Variants in GULP1 observed in about 807,000 individuals in gnomAD.
The protein encoded by GULP1 is GULP PTB domain containing engulfment adaptor 1.
GULP1 carries 19 observed loss-of-function variants against 40.9 expected under a neutral mutation model. The ratio of observed to expected loss-of-function variants is 0.46; its 90% CI spans 0.32 to 0.68. The LOEUF is 0.68. Ranked by LOEUF, GULP1 falls within the 30% of genes least tolerant of loss-of-function variation. The pLI, the probability that GULP1 is intolerant of heterozygous loss-of-function variation, is 0.03. For missense variants in GULP1, 312 were observed against 362.2 expected, an observed-to-expected ratio of 0.86 and a Z score of 1.12; for synonymous variants, 119 against 117.6, an observed-to-expected ratio of 1.01 and a Z score of -0.08.
chr2:188,414,550 G>T (rs1300033377), intron 2 of GULP1, among the ~76,000 whole-genome samples: 1 of 152,116 alleles, frequency 6.6e-6, no homozygotes, highest in African/African-American at 2.4e-5. Context: ...TTGAGTAAAG[G>T]ATTTGAAATA....
chr2:188,491,168 C>T (rs2062350584), intron 4 of GULP1, among the ~76,000 whole-genome samples: 1 of 151,764 alleles, frequency 6.6e-6, no homozygotes. Flanking sequence ...GATTTGGTCT[C>T]AAAAGGGTCA....
At chr2:188,530,347 T>C (rs1687221198) in intron 6 of GULP1, among the ~76,000 whole-genome samples, 1 of 152,292 alleles carries the variant, frequency 6.6e-6, no homozygotes, top group East Asian at 1.9e-4. Flanking sequence ...TTCTTGTATT[T>C]AGGACCCTTC....
chr2:188,496,021 C>T (rs1319116559), intron 4 of GULP1, among the ~76,000 whole-genome samples: 1 of 151,962 alleles, frequency 6.6e-6, no homozygotes, highest in Non-Finnish European at 1.5e-5. Context: ...CACAATCCCC[C>T]TCTCTTCCTG....
intron 1 of GULP1, among the ~76,000 whole-genome samples, chr2:188,296,692 G>A (rs578194893): frequency 6.6e-6 from 1 of 152,036 alleles, no homozygotes. Flanking sequence ...AGATTAATAT[G>A]GCTTTTTAAA....
intron 2 of GULP1, among the ~76,000 whole-genome samples, chr2:188,397,385 C>G (rs755725554): frequency 2.6e-5 from 4 of 152,184 alleles, no homozygotes; most frequent in Non-Finnish European, 4.4e-5. Flanking sequence ...ATGTACATTT[C>G]TTTATCATAT....
intron 2 of GULP1, among the ~76,000 whole-genome samples, chr2:188,468,473 GATTTGTA>G (rs2060310740): frequency 6.6e-6 from 1 of 152,056 alleles, no homozygotes; most frequent in Non-Finnish European, 1.5e-5. Flanking sequence ...TTGCTCATTT[GATTTGTA>G]ATTCAACATA....
At position 188,569,999 on chromosome 2, in the gene GULP1, A is replaced by C. The variant is rs769833915; in HGVS notation, c.517-29A>C. ...TATTTTCCAAGAAAAAAAAAACAGA[A>C]AGTTATTCAATAATGATTTTCTTTT... On this transcript the variant is annotated intron_variant, in intron 8 of 11. Transcript: ENST00000409830. 9.3e-6 allele frequency: 8 copies of C among 861,618 alleles called. No individual in the cohort carries two copies. The Admixed American group carries it at 1.7e-4, about 18-fold the overall frequency. 53.4% of individuals were successfully genotyped at this position (861,618 alleles called of 1,614,324 possible). A position where few individuals can be genotyped will look rare whatever the true frequency, so the allele number is the denominator to read the frequency against.
chr2:188,592,491 T>C (rs1295777823), intron 11 of GULP1: 2 of 152,092 alleles, frequency 1.3e-5, no homozygotes, highest in African/African-American at 4.8e-5. Flanking sequence ...GTGATAAGAA[T>C]AGATTTTTAA....
chr2:188,379,569 C>G (rs2048745090), intron 1 of GULP1, among the ~76,000 whole-genome samples: 1 of 152,164 alleles, frequency 6.6e-6, no homozygotes. Context: ...TTTCATGTCT[C>G]TTCAGAGCCG....
chr2:188,292,480 G>A lies in GULP1; in HGVS notation c.-172+314G>A, dbSNP rs1205887701. Among the ~76,000 whole-genome samples the A allele has an allele frequency of 2.0e-5, 3 of 152,224 alleles. No individual in the cohort carries two copies. The highest frequency in any genetic ancestry group is 4.4e-5 in the Non-Finnish European group (3 of 68,038). ...GGGACGCAGCGGTCTCCGGGCTCCAGAAACCTCCTTAGCCTTTTGTGGTAA... is the reference window on the plus strand; with the variant it reads ...GGGACGCAGCGGTCTCCGGGCTCCAAAAACCTCCTTAGCCTTTTGTGGTAA... On this transcript the variant is annotated intron_variant, in intron 1 of 11. Transcript: ENST00000409830. This position sits in a 1 kb window ranked among gnomAD's most constrained non-coding sequence, Gnocchi z 4.0.
chr2:188,391,805 G>T (rs1184838395), intron 2 of GULP1, among the ~76,000 whole-genome samples: 3 of 151,888 alleles, frequency 2.0e-5, no homozygotes, highest in East Asian at 3.9e-4. Flanking sequence ...TTTTTTGAGG[G>T]TTTTTACCAT....
chr2:188,460,671 G>A (rs1316700847), intron 2 of GULP1, among the ~76,000 whole-genome samples: 1 of 152,102 alleles, frequency 6.6e-6, no homozygotes, highest in Non-Finnish European at 1.5e-5. Flanking sequence ...TCTCCAGCTA[G>A]GACTTCCAGT....
chr2:188,293,499 G>T (rs570668637), intron 1 of GULP1, among the ~76,000 whole-genome samples: 1 of 152,190 alleles, frequency 6.6e-6, no homozygotes, highest in South Asian at 2.1e-4. Context: ...GCTAAAGTAA[G>T]GGAGATTATT....
At chr2:188,427,294 T>C (rs997634523) in intron 2 of GULP1, among the ~76,000 whole-genome samples, 4 of 152,158 alleles carry the variant, frequency 2.6e-5, no homozygotes, top group African/African-American at 9.7e-5. Flanking sequence ...CTTGGAAAAT[T>C]TGCAGCCTAG....
intron 9 of GULP1, chr2:188,582,236 T>C (rs992066006): frequency 1.3e-5 from 5 of 384,094 alleles, no homozygotes; most frequent in Non-Finnish European, 2.1e-5. Context: ...AATGATCTTA[T>C]CATCTTAACA....
intron 1 of GULP1, among the ~76,000 whole-genome samples, chr2:188,311,946 TAACTC>T (rs761154502): frequency 8.7e-5 from 13 of 150,072 alleles, no homozygotes; most frequent in Non-Finnish European, 1.8e-4. Flanking sequence ...AAACATTTCT[TAACTC>T]AAACTGGCTT....
intron 6 of GULP1, among the ~76,000 whole-genome samples, chr2:188,531,183 A>G (rs576118098): frequency 1.3e-5 from 2 of 152,296 alleles, no homozygotes; most frequent in South Asian, 4.1e-4. Flanking sequence ...GACCTACAGA[A>G]TCTGTATTTG....
intron 6 of GULP1, among the ~76,000 whole-genome samples, chr2:188,534,398 A>G (rs1338515685): frequency 6.6e-6 from 1 of 152,136 alleles, no homozygotes; most frequent in Non-Finnish European, 1.5e-5. Flanking sequence ...ACAGAAAACC[A>G]TATACCATAT....
At chr2:188,318,124 G>A (rs887491694) in intron 1 of GULP1, among the ~76,000 whole-genome samples, 1 of 152,120 alleles carries the variant, frequency 6.6e-6, no homozygotes, top group Non-Finnish European at 1.5e-5. Flanking sequence ...GTTAATAAAT[G>A]AGGAAAATCA....
Sources: gnomAD v4.1 joint callset for allele counts (sites outside exome capture counted in the v4.1 genomes callset) on GRCh38, gnomAD v4.1.1 for gene constraint, Gnocchi (gnomAD v3.1) non-coding constraint, MANE v1.5 for transcripts, NCBI Gene and HGNC (gene_info 2026-07-23, HGNC 2026-07-21) for gene names.